CORO1C: variants seen among roughly 807,000 people sequenced by gnomAD.
The protein encoded by CORO1C is coronin-1C.
A neutral mutation model predicts 51.2 loss-of-function variants in CORO1C; 14 were observed. The ratio of observed to expected loss-of-function variants is 0.27; its 90% confidence interval spans 0.18 to 0.43. CORO1C has a LOEUF of 0.43. CORO1C is among the 20% of genes least tolerant of loss of function. CORO1C has a pLI of 1.00. For missense variants in CORO1C, 417 were observed against 607.8 expected (o/e 0.69, Z 3.30); for synonymous variants, 181 against 210.5 (o/e 0.86, Z 1.21).
intron 1 of CORO1C, among the ~76,000 whole-genome samples, chr12:108,719,273 T>C (rs2035417041): frequency 6.6e-6 from 1 of 152,212 alleles, no homozygotes; most frequent in Non-Finnish European, 1.5e-5. Context: ...TCCCTAATAC[T>C]TTTTTAAACA....
chr12:108,665,996 C>A (rs930799405), intron 3 of CORO1C, among the ~76,000 whole-genome samples: 1 of 152,214 alleles, frequency 6.6e-6, no homozygotes, highest in Non-Finnish European at 1.5e-5. Flanking sequence ...TATTATTGCA[C>A]AGTGCAACCA....
intron 5 of CORO1C, among the ~76,000 whole-genome samples, chr12:108,657,914 G>A (rs1183512792): frequency 6.6e-6 from 1 of 152,134 alleles, no homozygotes; most frequent in Admixed American, 6.5e-5. Context: ...CTTAACACAG[G>A]GCTGGGCAAG....
At chr12:108,712,759 A>T (rs2035219987) in intron 1 of CORO1C, among the ~76,000 whole-genome samples, 1 of 151,770 alleles carries the variant, frequency 6.6e-6, no homozygotes, top group Admixed American at 6.6e-5. Flanking sequence ...AGGTGGGAAG[A>T]TAGCTTAAGG....
intron 1 of CORO1C, among the ~76,000 whole-genome samples, chr12:108,727,687 G>A (rs1226220616): frequency 6.6e-6 from 1 of 152,234 alleles, no homozygotes; most frequent in African/African-American, 2.4e-5. Flanking sequence ...AAAATATTGA[G>A]GAGGGTGTGG....
At chr12:108,714,533 C>T (rs577397124) in intron 1 of CORO1C, among the ~76,000 whole-genome samples, 22 of 151,942 alleles carry the variant, frequency 1.4e-4, no homozygotes, top group African/African-American at 4.6e-4. Flanking sequence ...ATTCCCAGCA[C>T]TTTGGGAGGC....
chr12:108,720,472 C>T (rs1038279673), intron 1 of CORO1C, among the ~76,000 whole-genome samples: 3 of 151,988 alleles, frequency 2.0e-5, no homozygotes, highest in African/African-American at 7.3e-5. Flanking sequence ...ATCTTGCTAA[C>T]ATATTTATTT....
intron 1 of CORO1C, chr12:108,701,664 C>G (rs2034875703): frequency 1.5e-5 from 4 of 271,098 alleles, no homozygotes; most frequent in Non-Finnish European, 2.9e-5. Context: ...GTACTTCAAC[C>G]CTTCCCCTTT....
At chr12:108,650,667 AAAAG>A (rs1478174395) in intron 8 of CORO1C, among the ~76,000 whole-genome samples, 2 of 152,206 alleles carry the variant, frequency 1.3e-5, no homozygotes, top group African/African-American at 4.8e-5. Flanking sequence ...GATTGTTATG[AAAAG>A]AAAGAGGTAG....
In CORO1C at chr12:108,647,390, G is replaced by T. The variant is rs767300014; in HGVS notation, c.*13C>A. 11 of 1,610,446 alleles carry T rather than the reference G, an allele frequency of 6.8e-6. No homozygotes were observed. The highest frequency in any genetic ancestry group is 2.2e-5 in the South Asian group (2 of 90,338). On this transcript the variant is annotated 3_prime_UTR_variant, in exon 11 of 11. Transcript: ENST00000261401. ...TTGCTCCCATTTTTTCTGTAGGGGT[G>T]GGGGTGGGACCTTCAGGCTGCTATC...
At chr12:108,660,328 G>A (rs1404003229) in intron 4 of CORO1C, among the ~76,000 whole-genome samples, 1 of 152,020 alleles carries the variant, frequency 6.6e-6, no homozygotes, top group Non-Finnish European at 1.5e-5. Context: ...GCACATGCCT[G>A]TAGTCCCAGC....
At chr12:108,691,259 T>G (rs1345421) in intron 2 of CORO1C, among the ~76,000 whole-genome samples, 92,922 of 151,884 alleles carry the variant, frequency 0.61, 29,267 homozygotes, top group East Asian at 0.99. Flanking sequence ...TCTCAGCTCA[T>G]TCTTCCCCAG....
At chr12:108,679,107 C>T (rs2034022111) in intron 2 of CORO1C, among the ~76,000 whole-genome samples, 1 of 57,066 alleles carries the variant, frequency 1.8e-5, no homozygotes, top group Non-Finnish European at 3.0e-5. Context: ...GAGACTCTGT[C>T]TCAAAAAAAA....
At chr12:108,727,830 T>C (rs1458329196) in intron 1 of CORO1C, among the ~76,000 whole-genome samples, 3 of 152,194 alleles carry the variant, frequency 2.0e-5, no homozygotes, top group South Asian at 2.1e-4. Context: ...AAGAAAATTT[T>C]TGCAAATCAT....
At chr12:108,696,310 T>G (rs1192046064) in intron 2 of CORO1C, 5 of 151,936 alleles carry the variant, frequency 3.3e-5, no homozygotes, top group Non-Finnish European at 7.4e-5. Context: ...GCCAAGAGAA[T>G]GTCAAGAGAT....
intron 1 of CORO1C, among the ~76,000 whole-genome samples, chr12:108,712,536 T>C (rs2035211804): frequency 8.7e-6 from 1 of 114,714 alleles, no homozygotes; most frequent in Non-Finnish European, 1.6e-5. Context: ...ATTGTGCCAC[T>C]ACACCCCAGC....
At chr12:108,723,582 AGTT>A (rs1565941421) in intron 1 of CORO1C, among the ~76,000 whole-genome samples, 1 of 152,230 alleles carries the variant, frequency 6.6e-6, no homozygotes, top group South Asian at 2.1e-4. Flanking sequence ...AGGCCTCAGC[AGTT>A]GTTGAGACAT....
Position 108,701,237 on chromosome 12 carries a change from G to A in CORO1C, c.82C>T (p.Arg28Trp), listed in dbSNP as rs969575661. The change falls in exon 2 of 11, where the codon CGG (arginine) becomes TGG (tryptophan). Residue 28 changes from arginine to tryptophan, a missense_variant. Coordinates refer to ENST00000261401, the MANE Select transcript of CORO1C (RefSeq NM_014325.4). ...CTATCCCAGGTCACACGAGAAACCC[G>A]GATGTCATCATAGCACTGGTCATTT... is the stretch of plus-strand genomic sequence containing the variant. ...VKNDQCYDDI[R>W]VSRVTWDSSF... 32 of 1,614,110 alleles carry A rather than the reference G, an allele frequency of 2.0e-5. No individual in the cohort carries two copies. Among genetic ancestry groups the A allele is most frequent in the Non-Finnish European group, 2.5e-5 (29 of 1,180,006 alleles).
intron 3 of CORO1C, 99 bp from the exon 4 acceptor site, chr12:108,662,257 C>G: frequency 9.8e-7 from 1 of 1,019,508 alleles, no homozygotes; most frequent in Non-Finnish European, 1.5e-6. Context: ...TCTATGTAAA[C>G]AGAACATAGA....
intron 3 of CORO1C, among the ~76,000 whole-genome samples, chr12:108,671,533 A>G (rs1366922091): frequency 6.6e-6 from 1 of 152,050 alleles, no homozygotes; most frequent in East Asian, 1.9e-4. Flanking sequence ...TTGAAAGAGC[A>G]TATCATGGTA....
Sources: allele counts gnomAD v4.1 joint callset (sites outside exome capture counted in the v4.1 genomes callset), GRCh38; gene constraint gnomAD v4.1.1; transcripts MANE v1.5; gene names NCBI Gene and HGNC (gene_info 2026-07-23, HGNC 2026-07-21).